DPYSL5: variants seen among roughly 807,000 people sequenced by gnomAD.
DPYSL5 encodes the protein dihydropyrimidinase like 5.
A neutral mutation model predicts 58.4 loss-of-function variants in DPYSL5; 9 were observed. The ratio of observed to expected loss-of-function variants is 0.15; its 90% CI spans 0.09 to 0.27. The LOEUF (loss-of-function observed/expected upper bound fraction) is 0.27. Among genes scored for constraint, DPYSL5 ranks in the 10% least tolerant of loss-of-function variants. The pLI is 1.00. For missense variants in DPYSL5, 499 were observed against 770.6 expected (o/e 0.65, Z 4.17); for synonymous variants, 293 against 301.9 (o/e 0.97, Z 0.31).
At chr2:26,893,467 T>C (rs1193297164) in intron 1 of DPYSL5, among the ~76,000 whole-genome samples, 2 of 152,226 alleles carry the variant, frequency 1.3e-5, no homozygotes, top group Non-Finnish European at 2.9e-5. Flanking sequence ...TGTTGCTCCC[T>C]TTGTTCTATT....
intron 1 of DPYSL5, among the ~76,000 whole-genome samples, chr2:26,851,240 G>A (rs909128357): frequency 6.6e-5 from 10 of 152,198 alleles, no homozygotes; most frequent in African/African-American, 2.4e-4. Flanking sequence ...ATTTTTAAAA[G>A]GATGTAATCT....
At chr2:26,884,241 C>T (rs548327609) in intron 1 of DPYSL5, among the ~76,000 whole-genome samples, 6 of 152,262 alleles carry the variant, frequency 3.9e-5, no homozygotes, top group East Asian at 1.9e-4. Context: ...AAGCCCCAAT[C>T]GGGAGTCAGG....
chr2:26,882,482 A>G (rs949638203), intron 1 of DPYSL5, among the ~76,000 whole-genome samples: 1 of 151,516 alleles, frequency 6.6e-6, no homozygotes, highest in Non-Finnish European at 1.5e-5. Context: ...GGGTGTCACT[A>G]TGTTGCCCAG....
In DPYSL5 at chr2:26,867,629, G is replaced by A. The variant is rs576592713; in HGVS notation, c.-5+19375G>A. On this transcript the variant is annotated intron_variant, in intron 1 of 12. Coordinates refer to ENST00000288699, the MANE Select transcript of DPYSL5 (RefSeq NM_020134.4). ...CGCCACTACGCCCGGCTAATTTTTT[G>A]TATTTTTAGTAGAGACGGGGTTTCA... 1.3e-4 allele frequency among the ~76,000 whole-genome samples: 19 copies of A among 151,722 alleles called. 3 individuals are homozygous for A. In the South Asian group the frequency reaches 3.5e-3, roughly 28 times the overall value.
intron 1 of DPYSL5, among the ~76,000 whole-genome samples, chr2:26,874,065 A>G (rs1663341109): frequency 6.6e-6 from 1 of 152,144 alleles, no homozygotes; most frequent in Non-Finnish European, 1.5e-5. Flanking sequence ...TTTTTTGTAG[A>G]TACAAATAGT....
chr2:26,927,134 T>C lies in DPYSL5; in HGVS notation c.421-119T>C, dbSNP rs1352560338. On this transcript the variant is annotated intron_variant, in intron 3 of 12. Coordinates refer to ENST00000288699, the MANE Select transcript of DPYSL5 (RefSeq NM_020134.4). The surrounding 1 kb of genome is among the most constrained non-coding windows in gnomAD (Gnocchi z 4.3). Reference sequence around the variant, plus strand: ...AAGTGAGATAGAGAGGTGTGGGGGGTCAACCGACAGACTGAGCTGGGGCAG... The same window carrying C: ...AAGTGAGATAGAGAGGTGTGGGGGGCCAACCGACAGACTGAGCTGGGGCAG... 6 of 1,049,030 alleles carry C rather than the reference T, an allele frequency of 5.7e-6. No individual in the cohort carries two copies. The East Asian group carries it at 8.1e-5, about 14-fold the overall frequency. 65.0% of individuals were successfully genotyped at this position (1,049,030 alleles called of 1,614,324 possible). A position where few individuals can be genotyped will look rare whatever the true frequency, so the allele number is the denominator to read the frequency against.
At chr2:26,900,229 C>A (rs979174933) in intron 2 of DPYSL5, among the ~76,000 whole-genome samples, 1 of 152,170 alleles carries the variant, frequency 6.6e-6, no homozygotes, top group Non-Finnish European at 1.5e-5. Flanking sequence ...ACTATCCTGA[C>A]TTCTAATAGG....
At chr2:26,932,147 GAAAGAA>G (rs1665025782) in intron 6 of DPYSL5, among the ~76,000 whole-genome samples, 3 of 45,900 alleles carry the variant, frequency 6.5e-5, no homozygotes, top group Admixed American at 2.3e-4. Context: ...GAGAAAGAAA[GAAAGAA>G]AGAAAGAAAG....
chr2:26,925,828 C>G lies in DPYSL5; in HGVS notation c.420+783C>G, dbSNP rs151136135. Among the ~76,000 whole-genome samples the G allele has an allele frequency of 0.011, 1,617 of 152,284 alleles. 17 individuals carry two copies. Among genetic ancestry groups the G allele is most frequent in the African/African-American group, 0.032 (1,320 of 41,534 alleles). ...GCAGTCTGGATATTCATTCTTTCAT[C>G]AATTATTTATTAAGCCCCATGTACC... is the stretch of plus-strand genomic sequence containing the variant. On this transcript the variant is annotated intron_variant, in intron 3 of 12. Transcript: ENST00000288699. The surrounding 1 kb of genome is among the most constrained non-coding windows in gnomAD (Gnocchi z 4.5).
intron 1 of DPYSL5, among the ~76,000 whole-genome samples, chr2:26,869,536 T>C (rs181448494): frequency 6.6e-6 from 1 of 152,206 alleles, no homozygotes; most frequent in African/African-American, 2.4e-5. Context: ...TATATAGATA[T>C]TCCCTTTCTG....
chr2:26,947,079 G>T lies in DPYSL5; in HGVS notation c.*84G>T, dbSNP rs923384350. ...AGCCGAAGCTGCAGGGGCAGGAGAG[G>T]CTGGGCTGGGTGGCACACCACCCGA... is the stretch of plus-strand genomic sequence containing the variant. On this transcript the variant is annotated 3_prime_UTR_variant, in exon 13 of 13. Coordinates refer to ENST00000288699, the MANE Select transcript of DPYSL5 (RefSeq NM_020134.4). This position sits in a 1 kb window ranked among gnomAD's most constrained non-coding sequence, Gnocchi z 4.2. 3.2e-6 allele frequency: 4 copies of T among 1,262,370 alleles called. No individual in the cohort carries two copies. The highest frequency in any genetic ancestry group is 4.5e-6 in the Non-Finnish European group (4 of 886,628). 78.2% of individuals were successfully genotyped at this position (1,262,370 alleles called of 1,614,324 possible). A position where few individuals can be genotyped will look rare whatever the true frequency, so the allele number is the denominator to read the frequency against.
rs148290958 is a variant in DPYSL5, at chr2:26,888,135, T to C, written c.-4-10361T>C. 2.6e-5 allele frequency among the ~76,000 whole-genome samples: 4 copies of C among 152,360 alleles called. No homozygotes were observed. In the East Asian group the frequency reaches 7.7e-4, roughly 29 times the overall value. ...AAAATTGGAAGTAAACTTAATAGTCTATGCAGCTCTAGAATTCCATACTTC... is the reference window on the plus strand; with the variant it reads ...AAAATTGGAAGTAAACTTAATAGTCCATGCAGCTCTAGAATTCCATACTTC... On this transcript the variant is annotated intron_variant, in intron 1 of 12. Coordinates refer to ENST00000288699, the MANE Select transcript of DPYSL5 (RefSeq NM_020134.4).
chr2:26,931,531 C>G lies in DPYSL5; in HGVS notation c.670-109C>G, dbSNP rs796195823. The G allele has an allele frequency of 5.1e-5, 71 of 1,383,326 alleles. No individual in the cohort carries two copies. The African/African-American group carries it at 7.8e-4, about 15-fold the overall frequency. 85.7% of individuals were successfully genotyped at this position (1,383,326 alleles called of 1,614,324 possible). ...TAGTGCCTCTGCCCGGGCTTTGCCCCGAGCCAACCCCTATGGGTGCAGTTG... is the reference window on the plus strand; with the variant it reads ...TAGTGCCTCTGCCCGGGCTTTGCCCGGAGCCAACCCCTATGGGTGCAGTTG... On this transcript the variant is annotated intron_variant, in intron 5 of 12. Coordinates refer to ENST00000288699, the MANE Select transcript of DPYSL5 (RefSeq NM_020134.4).
chr2:26,940,932 TTA>T (rs780097423), intron 9 of DPYSL5, among the ~76,000 whole-genome samples: 271 of 106,492 alleles, frequency 2.5e-3, no homozygotes, highest in African/African-American at 8.8e-3. Flanking sequence ...ATTATTATTA[TTA>T]TTATTTATTT....
intron 2 of DPYSL5, among the ~76,000 whole-genome samples, chr2:26,923,167 A>T (rs1396524579): frequency 7.2e-6 from 1 of 139,566 alleles, no homozygotes; most frequent in Non-Finnish European, 1.7e-5. Context: ...CAGAAAACAG[A>T]TAAACACCTA....
At chr2:26,919,774 G>A (rs765351235) in intron 2 of DPYSL5, among the ~76,000 whole-genome samples, 50 of 152,162 alleles carry the variant, frequency 3.3e-4, no homozygotes, top group Non-Finnish European at 6.2e-4. Context: ...CTGCAATTCT[G>A]CTTCCTGGCA....
Position 26,944,849 on chromosome 2 carries a change from G to A in DPYSL5, c.1609+25G>A. ...GGTAAGAGTCAGGGGGCCACGGGAG[G>A]AGGATGGGGGTCTGGGAGAAGTGGC... On this transcript the variant is annotated intron_variant, in intron 12 of 12. Coordinates refer to ENST00000288699, the MANE Select transcript of DPYSL5 (RefSeq NM_020134.4). This position sits in a 1 kb window ranked among gnomAD's most constrained non-coding sequence, Gnocchi z 4.4. 1 of 1,610,206 alleles carries A rather than the reference G, an allele frequency of 6.2e-7. No individual in the cohort carries two copies. Among genetic ancestry groups the A allele is most frequent in the Non-Finnish European group, 8.5e-7 (1 of 1,178,022 alleles).
In DPYSL5 at chr2:26,944,364, G is replaced by C. The variant is rs897065282; in HGVS notation, c.1441-292G>C. On this transcript the variant is annotated intron_variant, in intron 11 of 12. Coordinates refer to ENST00000288699, the MANE Select transcript of DPYSL5 (RefSeq NM_020134.4). The surrounding 1 kb of genome is among the most constrained non-coding windows in gnomAD (Gnocchi z 4.4). ...CTACCTCGGTGAGGCTTCCATCAGT[G>C]TTGAGGGGGAGCCAGTATCTCTCCC... Among the ~76,000 whole-genome samples, 1 of 152,198 alleles carries C rather than the reference G, an allele frequency of 6.6e-6. No homozygotes were observed. Among genetic ancestry groups the C allele is most frequent in the Non-Finnish European group, 1.5e-5 (1 of 68,040 alleles).
Position 26,884,981 on chromosome 2 carries a change from C to T in DPYSL5, c.-4-13515C>T, listed in dbSNP as rs541025599. ...TGGGAGGCTGAGGCAGGCGGATCAC[C>T]TGAAGTCAGGAGTTAAGAGACCAGC... On this transcript the variant is annotated intron_variant, in intron 1 of 12. Transcript: ENST00000288699. 5.9e-5 allele frequency among the ~76,000 whole-genome samples: 9 copies of T among 152,172 alleles called. No individual in the cohort carries two copies. The South Asian group carries it at 1.7e-3, about 28-fold the overall frequency.
Sources: gnomAD v4.1 joint callset for allele counts (sites outside exome capture counted in the v4.1 genomes callset) on GRCh38, gnomAD v4.1.1 for gene constraint, Gnocchi (gnomAD v3.1) non-coding constraint, MANE v1.5 for transcripts, NCBI Gene and HGNC (gene_info 2026-07-23, HGNC 2026-07-21) for gene names.